The following MNS1 variants were observed in gnomAD, a reference collection of about 807,000 sequenced individuals.
MNS1 encodes the protein meiosis-specific nuclear structural protein 1.
MNS1 carries 63 observed loss-of-function variants against 72.0 expected under a neutral mutation model. That is an observed-to-expected ratio of 0.87 (90% CI 0.71 to 1.08). The LOEUF (loss-of-function observed/expected upper bound fraction) is 1.08, where lower values mean the gene tolerates loss of function less well. MNS1 is among the 50% of genes least tolerant of loss of function. MNS1 has a pLI of 0.00. For missense variants in MNS1, 604 were observed against 562.4 expected (o/e 1.07, Z -0.75); for synonymous variants, 188 against 172.1 (o/e 1.09, Z -0.72).
rs182669915 is a variant in MNS1 at position 56,433,558 on chromosome 15, C to T, written c.1269+580G>A. Among the ~76,000 whole-genome samples, 189 of 152,198 alleles carry T rather than the reference C, an allele frequency of 1.2e-3. 4 individuals are homozygous for T. The East Asian group carries it at 0.032, about 26-fold the overall frequency. ...TCCTTAACATCTCTCGGGTGGATCCCTTATCTATTTGCATGGGTTTCACCA... is the reference window on the plus strand; with the variant it reads ...TCCTTAACATCTCTCGGGTGGATCCTTTATCTATTTGCATGGGTTTCACCA... On this transcript the variant is annotated intron_variant, in intron 8 of 9. Transcript: ENST00000260453.
intron 7 of MNS1, among the ~76,000 whole-genome samples, chr15:56,437,878 G>GAA (rs2050755171): frequency 6.6e-6 from 1 of 152,066 alleles, no homozygotes; most frequent in African/African-American, 2.4e-5. Flanking sequence ...GCTTCAAAGA[G>GAA]AATAAAATAC....
intron 3 of MNS1, among the ~76,000 whole-genome samples, chr15:56,448,964 A>G (rs1160313900): frequency 6.6e-6 from 1 of 152,066 alleles, no homozygotes; most frequent in Non-Finnish European, 1.5e-5. Context: ...CATGTTGGCT[A>G]GGCTGGTTTC....
intron 9 of MNS1, among the ~76,000 whole-genome samples, chr15:56,430,597 A>G (rs1475922820): frequency 2.6e-5 from 4 of 152,224 alleles, no homozygotes; most frequent in Non-Finnish European, 4.4e-5. Context: ...TTAACTAGTT[A>G]TAACTTCCTA....
At chr15:56,454,567 T>A (rs1442121488) in intron 3 of MNS1, among the ~76,000 whole-genome samples, 1 of 152,166 alleles carries the variant, frequency 6.6e-6, no homozygotes, top group African/African-American at 2.4e-5. Context: ...TCTTTTTTGT[T>A]CTGGCTGCTT....
In MNS1 at chr15:56,444,925, T is replaced by C. The variant is rs113349371; in HGVS notation, c.457-252A>G. Among the ~76,000 whole-genome samples the C allele has an allele frequency of 8.5e-3, 1,286 of 152,146 alleles. 5 individuals are homozygous for C. Among genetic ancestry groups the C allele is most frequent in the Non-Finnish European group, 0.014 (961 of 67,882 alleles). The stretch of plus-strand genomic sequence containing the variant: ...ATACCTGATAAGGATTATTAATAAC[T>C]CCACATTCAAAAAACAATGAATACA... On this transcript the variant is annotated intron_variant, in intron 4 of 9. Coordinates refer to ENST00000260453, the MANE Select transcript of MNS1 (RefSeq NM_018365.4).
At chr15:56,431,314 C>A in intron 9 of MNS1, 59 bp downstream of exon 9, 1 of 1,573,012 alleles carries the variant, frequency 6.4e-7, no homozygotes, top group Non-Finnish European at 8.6e-7. Flanking sequence ...ATCCAAATAC[C>A]ATGTTTTTTT....
At chr15:56,448,024 C>T (rs2050920631) in intron 3 of MNS1, among the ~76,000 whole-genome samples, 1 of 152,172 alleles carries the variant, frequency 6.6e-6, no homozygotes, top group Non-Finnish European at 1.5e-5. Flanking sequence ...TAGATATCCA[C>T]TCGCATTGCT....
At chr15:56,429,947 A>C (rs1364950668) in intron 9 of MNS1, 2 of 152,282 alleles carry the variant, frequency 1.3e-5, no homozygotes, top group Non-Finnish European at 2.9e-5. Flanking sequence ...TAGTTTATGA[A>C]ATGTATTAAT....
At chr15:56,460,261 T>C (rs979961126) in intron 2 of MNS1, among the ~76,000 whole-genome samples, 4 of 151,750 alleles carry the variant, frequency 2.6e-5, no homozygotes, top group Non-Finnish European at 5.9e-5. Context: ...GAAAGGGTAA[T>C]GATCTTGAGG....
rs1441292048 is a variant in MNS1, at chr15:56,464,021, C to G, written c.225+5G>C. ...AAAAAAGTAACAATGAATAGTAAAA[C>G]TTACCTTTTGAATGGCCTCTTCCAT... On this transcript the variant is annotated splice_donor_5th_base_variant and intron_variant, in intron 2 of 9. Transcript: ENST00000260453. 6.3e-7 allele frequency: 1 copy of G among 1,599,710 alleles called. No homozygotes were observed. Among genetic ancestry groups the G allele is most frequent in the Non-Finnish European group, 8.5e-7 (1 of 1,173,330 alleles).
chr15:56,446,889 T>C lies in MNS1; in HGVS notation c.408A>G (p.Glu136=). The change falls in exon 4 of 10, where the codon GAA becomes GAG. Residue 136 remains glutamate (E), a synonymous_variant. Coordinates refer to ENST00000260453, the MANE Select transcript of MNS1 (RefSeq NM_018365.4). ...CCTTTTCAGCAATCTGAGCTGCCCT[T>C]TCTTTATTCATGTAAGCTGCTTTTA... is the stretch of plus-strand genomic sequence containing the variant. ...KKLKAAYMNK[E]RAAQIAEKDA... 6.2e-7 allele frequency: 1 copy of C among 1,610,790 alleles called. No homozygotes were observed. Among genetic ancestry groups the C allele is most frequent in the South Asian group, 1.1e-5 (1 of 91,002 alleles).
At chr15:56,457,478 G>C (rs2140377985) in intron 2 of MNS1, among the ~76,000 whole-genome samples, 1 of 152,314 alleles carries the variant, frequency 6.6e-6, no homozygotes, top group Admixed American at 6.5e-5. Flanking sequence ...TGCTGTGTGG[G>C]AATGTAAAAT....
Position 56,465,031 on chromosome 15 carries a change from A to G in MNS1, c.-59T>C. On this transcript the variant is annotated 5_prime_UTR_variant, in exon 1 of 10. Transcript: ENST00000260453. ...CCGCGGCCACCACCTCCCGCCGCAAACGCAGCAGCCAGCAGCCCCAAGGAG... is the reference window on the plus strand; with the variant it reads ...CCGCGGCCACCACCTCCCGCCGCAAGCGCAGCAGCCAGCAGCCCCAAGGAG... The G allele has an allele frequency of 6.3e-7, 1 of 1,595,438 alleles. No individual in the cohort carries two copies. Among genetic ancestry groups the G allele is most frequent in the South Asian group, 1.1e-5 (1 of 88,346 alleles).
chr15:56,446,982 C>A (rs753932032), intron 3 of MNS1, 39 bp from the exon 4 acceptor site: 5 of 1,422,488 alleles, frequency 3.5e-6, no homozygotes, highest in Non-Finnish European at 4.9e-6. Flanking sequence ...ATGTTAGGAC[C>A]ATAAGAGAAT....
At chr15:56,436,534 A>T (rs1427343317) in intron 7 of MNS1, among the ~76,000 whole-genome samples, 1 of 152,194 alleles carries the variant, frequency 6.6e-6, no homozygotes, top group Admixed American at 6.5e-5. Flanking sequence ...CCCTAACATC[A>T]CAATTAAAAG....
At chr15:56,456,834 C>A (rs1236138609) in intron 2 of MNS1, among the ~76,000 whole-genome samples, 1 of 151,844 alleles carries the variant, frequency 6.6e-6, no homozygotes, top group Non-Finnish European at 1.5e-5. Context: ...TTCCCTTATT[C>A]TTTTTCTGCT....
intron 2 of MNS1, 69 bp downstream of exon 2, chr15:56,463,957 A>G: frequency 1.6e-6 from 2 of 1,263,680 alleles, no homozygotes; most frequent in Non-Finnish European, 2.2e-6. Context: ...TTCCAGCATT[A>G]ACAGCTGACT....
At chr15:56,451,984 A>G (rs2050950586) in intron 3 of MNS1, among the ~76,000 whole-genome samples, 1 of 152,200 alleles carries the variant, frequency 6.6e-6, no homozygotes, top group Non-Finnish European at 1.5e-5. Flanking sequence ...TTCTGATACA[A>G]CATTTCATCA....
chr15:56,434,311 G>T lies in MNS1; in HGVS notation c.1096C>A (p.Gln366Lys). Residue 366 changes from glutamine (Q) to lysine (K), a missense_variant, in exon 8 of 10, where the codon CAG becomes AAG. Coordinates refer to ENST00000260453, the MANE Select transcript of MNS1 (RefSeq NM_018365.4). ...EQMALKELVL[Q>K]AAKEEEENFR... is the part of the protein sequence containing the mutation. ...TTCTCCTCTTCCTCTTTTGCAGCCT[G>T]TAGCACTAATTCCTTCAAGGCCATT... 5.0e-6 allele frequency: 8 copies of T among 1,613,826 alleles called. No individual in the cohort carries two copies. The highest frequency in any genetic ancestry group is 6.8e-6 in the Non-Finnish European group (8 of 1,179,878).
Sources: gnomAD v4.1 joint callset for allele counts (sites outside exome capture counted in the v4.1 genomes callset) on GRCh38, gnomAD v4.1.1 for gene constraint, MANE v1.5 for transcripts, NCBI Gene and HGNC (gene_info 2026-07-23, HGNC 2026-07-21) for gene names.